DLG2: variants seen among roughly 807,000 people sequenced by gnomAD.
DLG2 encodes disks large homolog 2.
DLG2 carries 45 observed loss-of-function variants against 132.5 expected under a neutral mutation model. The ratio of observed to expected loss-of-function variants is 0.34; its 90% confidence interval spans 0.27 to 0.44. The LOEUF (loss-of-function observed/expected upper bound fraction) is 0.44, where lower values mean the gene tolerates loss of function less well. DLG2 is among the 20% of genes least tolerant of loss of function. The pLI, the probability that DLG2 is intolerant of heterozygous loss-of-function variation, is 1.00. For synonymous variants in DLG2, 424 were observed against 419.6 expected (o/e 1.01, Z -0.13); for missense variants, 1,045 against 1,196.9 (o/e 0.87, Z 1.87).
At chr11:84,373,249 C>A (rs1423543809) in intron 7 of DLG2, among the ~76,000 whole-genome samples, 22 of 41,658 alleles carry the variant, frequency 5.3e-4, no homozygotes, top group Admixed American at 1.7e-3. Context: ...AAGAAACAGT[C>A]AAAAAAAAAA....
At chr11:84,015,930 T>C (rs973643857) in intron 11 of DLG2, among the ~76,000 whole-genome samples, 4 of 152,194 alleles carry the variant, frequency 2.6e-5, no homozygotes, top group Admixed American at 2.6e-4. Flanking sequence ...TGAATTCTTT[T>C]GGCCCTAGGT....
intron 7 of DLG2, among the ~76,000 whole-genome samples, chr11:84,293,639 G>A (rs2098041449): frequency 6.6e-6 from 1 of 152,112 alleles, no homozygotes; most frequent in South Asian, 2.1e-4. Context: ...ACAGGCCATT[G>A]CACTCCAGCC....
intron 7 of DLG2, among the ~76,000 whole-genome samples, chr11:84,509,668 T>G (rs1035616594): frequency 1.3e-5 from 2 of 152,174 alleles, no homozygotes; most frequent in African/African-American, 4.8e-5. Context: ...AAAAATGGAA[T>G]AATTTGACAC....
At chr11:85,223,769 C>G (rs1381085300) in intron 4 of DLG2, among the ~76,000 whole-genome samples, 1 of 151,988 alleles carries the variant, frequency 6.6e-6, no homozygotes, top group Non-Finnish European at 1.5e-5. Context: ...GTTGTAATAC[C>G]AAGTTTGGAT....
Position 85,492,798 on chromosome 11 carries a change from T to C in DLG2, c.40+105859A>G, listed in dbSNP as rs2093591417. On this transcript the variant is annotated intron_variant, in intron 3 of 27. Coordinates refer to ENST00000376104, the MANE Select transcript of DLG2 (RefSeq NM_001142699.3). The stretch of plus-strand genomic sequence containing the variant: ...AAAAGGATAAACAATGAACTTCTTC[T>C]AGCAGCTGAACCTGAGGTATAATGA... 2.6e-5 allele frequency among the ~76,000 whole-genome samples: 4 copies of C among 151,610 alleles called. 1 individual carries two copies. The South Asian group carries it at 8.3e-4, about 32-fold the overall frequency.
At chr11:83,822,761 C>T (rs2051198932) in intron 17 of DLG2, among the ~76,000 whole-genome samples, 1 of 152,138 alleles carries the variant, frequency 6.6e-6, no homozygotes, top group Non-Finnish European at 1.5e-5. Flanking sequence ...TCTGTTATTT[C>T]TCCAATAAAT....
chr11:84,087,975 G>A (rs976230287), intron 10 of DLG2, among the ~76,000 whole-genome samples: 1 of 152,124 alleles, frequency 6.6e-6, no homozygotes, highest in Non-Finnish European at 1.5e-5. Context: ...TTTTTAAATT[G>A]GGTTATCTTC....
intron 21 of DLG2, among the ~76,000 whole-genome samples, chr11:83,508,341 A>G (rs1480049385): frequency 1.4e-5 from 2 of 145,720 alleles, no homozygotes; most frequent in African/African-American, 2.6e-5. Context: ...GGTTCACGCC[A>G]TTCTTCTGCC....
intron 7 of DLG2, among the ~76,000 whole-genome samples, chr11:84,530,576 T>C (rs1239825886): frequency 1.3e-5 from 2 of 152,198 alleles, no homozygotes; most frequent in African/African-American, 4.8e-5. Context: ...CACAAAGAGA[T>C]ACCGTCTTAC....
chr11:83,895,935 A>G (rs1466172718), intron 15 of DLG2, among the ~76,000 whole-genome samples: 1 of 152,220 alleles, frequency 6.6e-6, no homozygotes, highest in East Asian at 1.9e-4. Context: ...TGAACTGAAC[A>G]CTGTAATGCT....
At chr11:84,552,812 C>T (rs1284620861) in intron 6 of DLG2, among the ~76,000 whole-genome samples, 1 of 152,172 alleles carries the variant, frequency 6.6e-6, no homozygotes, top group East Asian at 1.9e-4. Context: ...TAATCACCCT[C>T]AGATACATCT....
chr11:84,472,031 C>G (rs1445287712), intron 7 of DLG2, among the ~76,000 whole-genome samples: 1 of 151,856 alleles, frequency 6.6e-6, no homozygotes, highest in African/African-American at 2.4e-5. Flanking sequence ...TACCCAAATT[C>G]CGGTCCCCAA....
chr11:84,098,936 C>T lies in DLG2; in HGVS notation c.736G>A (p.Asp246Asn). ...KIIPGGAAAE[D>N]GRLRVNDCIL... ...TCAGATCTTTACCTGAGTCTGCCAT[C>T]CTCTGCTGCAGCACCTCCTGGTATA... Residue 246 changes from aspartate to asparagine, a missense_variant, in exon 10 of 28, where the codon GAT (aspartate) becomes AAT (asparagine). Transcript: ENST00000376104. 6.2e-7 allele frequency: 1 copy of T among 1,613,206 alleles called. No homozygotes were observed. Among genetic ancestry groups the T allele is most frequent in the Non-Finnish European group, 8.5e-7 (1 of 1,179,680 alleles).
At chr11:84,306,568 C>G (rs1455219483) in intron 7 of DLG2, among the ~76,000 whole-genome samples, 2 of 152,102 alleles carry the variant, frequency 1.3e-5, no homozygotes, top group Non-Finnish European at 2.9e-5. Context: ...TGCAAAAATA[C>G]TTGTTTGTAA....
chr11:83,602,076 G>A lies in DLG2; in HGVS notation c.1940+31135C>T, dbSNP rs370064115. 1.4e-3 allele frequency among the ~76,000 whole-genome samples: 213 copies of A among 152,312 alleles called. 1 individual carries two copies. The highest frequency in any genetic ancestry group is 7.0e-3 in the South Asian group (34 of 4,828). On this transcript the variant is annotated intron_variant, in intron 19 of 27. Coordinates refer to ENST00000376104, the MANE Select transcript of DLG2 (RefSeq NM_001142699.3). ...GCAACCAAGAGAGTAATGTGCTGCA[G>A]TGGGAATAAATCATGGACAGAGGAA...
chr11:84,893,380 C>A (rs2089719219), intron 6 of DLG2, among the ~76,000 whole-genome samples: 1 of 152,132 alleles, frequency 6.6e-6, no homozygotes, highest in Non-Finnish European at 1.5e-5. Flanking sequence ...CTAAGTATCA[C>A]AATGGGTTTC....
chr11:84,721,850 G>A (rs927864903), intron 6 of DLG2, among the ~76,000 whole-genome samples: 4 of 152,150 alleles, frequency 2.6e-5, no homozygotes, highest in African/African-American at 9.7e-5. Context: ...TAACCTAAAG[G>A]GTTGTCAGGA....
chr11:84,163,450 T>G lies in DLG2; in HGVS notation c.624+11A>C, dbSNP rs1177078244. 6.2e-7 allele frequency: 1 copy of G among 1,602,392 alleles called. No individual in the cohort carries two copies. Among genetic ancestry groups the G allele is most frequent in the Admixed American group, 1.7e-5 (1 of 57,588 alleles). ...GATTGGGGCTTTGGATTTTTCAAAA[T>G]TTTTTCTTACCCTCTCCAGTGTAAT... On this transcript the variant is annotated intron_variant, in intron 9 of 27. Transcript: ENST00000376104.
intron 6 of DLG2, among the ~76,000 whole-genome samples, chr11:84,606,019 C>G (rs1275209937): frequency 2.0e-5 from 3 of 151,994 alleles, no homozygotes; most frequent in Admixed American, 6.6e-5. Context: ...AGGCACTGAT[C>G]ACATTCTACT....
Sources: allele counts gnomAD v4.1 joint callset (sites outside exome capture counted in the v4.1 genomes callset), GRCh38; gene constraint gnomAD v4.1.1; transcripts MANE v1.5; gene names NCBI Gene and HGNC (gene_info 2026-07-23, HGNC 2026-07-21).